Variants in WDR7 observed in about 807,000 individuals in gnomAD.
WDR7 encodes WD repeat domain 7, also known as WD repeat-containing protein 7.
In WDR7, 46 loss-of-function variants were observed where a neutral mutation model predicts 169.4. The observed-to-expected ratio is 0.27, with a 90% confidence interval of 0.21 to 0.35. The LOEUF (loss-of-function observed/expected upper bound fraction) is 0.35, where lower values mean the gene tolerates loss of function less well. Among genes scored for constraint, WDR7 ranks in the 10% least tolerant of loss-of-function variants. The probability of loss-of-function intolerance (pLI) is 1.00; values close to 1 mark genes in which losing one functional copy is unlikely to be tolerated. For missense variants in WDR7, 1,534 were observed against 1,859.3 expected, an observed-to-expected ratio of 0.83 and a Z score of 3.22; for synonymous variants, 612 against 666.8, an observed-to-expected ratio of 0.92 and a Z score of 1.27.
At position 57,000,301 on chromosome 18, in the gene WDR7, G is replaced by A. The variant is rs547933733; in HGVS notation, c.4165-20444G>A. ...GGCCAAGAAGAAGAGAAGGCTTAATGAATCGTATTCTTGCTGATTTCCACT... is the reference window on the plus strand; with the variant it reads ...GGCCAAGAAGAAGAGAAGGCTTAATAAATCGTATTCTTGCTGATTTCCACT... On this transcript the variant is annotated intron_variant, in intron 26 of 27. Coordinates refer to ENST00000254442, the MANE Select transcript of WDR7 (RefSeq NM_015285.3). Among the ~76,000 whole-genome samples the A allele has an allele frequency of 7.9e-5, 12 of 152,258 alleles. No homozygotes were observed. In the South Asian group the frequency reaches 2.3e-3, roughly 29 times the overall value.
At chr18:56,818,021 G>C (rs1000847950) in intron 20 of WDR7, among the ~76,000 whole-genome samples, 1 of 152,152 alleles carries the variant, frequency 6.6e-6, no homozygotes, top group Non-Finnish European at 1.5e-5. Context: ...GGGATTACAG[G>C]CATGAGCCAC....
intron 20 of WDR7, among the ~76,000 whole-genome samples, chr18:56,875,678 C>T (rs1264603474): frequency 1.3e-5 from 2 of 152,104 alleles, no homozygotes; most frequent in African/African-American, 2.4e-5. Flanking sequence ...ACTGTTTTTT[C>T]GATCCAGAAA....
At chr18:57,009,976 G>A (rs922798935) in intron 26 of WDR7, 19 of 985,224 alleles carry the variant, frequency 1.9e-5, no homozygotes, top group Admixed American at 6.2e-5. Context: ...CCATCATGAC[G>A]GACATTTACT....
At chr18:56,710,720 G>A (rs187441919) in intron 12 of WDR7, among the ~76,000 whole-genome samples, 8 of 152,158 alleles carry the variant, frequency 5.3e-5, no homozygotes, top group Admixed American at 3.9e-4. Flanking sequence ...TACTCTCAGC[G>A]CCCACTTCAT....
rs1298724075 is a variant in WDR7 at position 56,795,745 on chromosome 18, T to C, written c.3190+14089T>C. Among the ~76,000 whole-genome samples, 2 of 152,204 alleles carry C rather than the reference T, an allele frequency of 1.3e-5. 1 individual carries two copies. The highest frequency in any genetic ancestry group is 3.9e-4 in the East Asian group (2 of 5,192). On this transcript the variant is annotated intron_variant, in intron 19 of 27. Coordinates refer to ENST00000254442, the MANE Select transcript of WDR7 (RefSeq NM_015285.3). ...CCCAATGCCTAGCTTTATTTGTATT[T>C]GTTTGATTTTATTTGTTTGTTTGCT... is the stretch of plus-strand genomic sequence containing the variant.
chr18:56,870,516 T>C (rs1300580452), intron 20 of WDR7, among the ~76,000 whole-genome samples: 2 of 152,208 alleles, frequency 1.3e-5, no homozygotes, highest in Non-Finnish European at 2.9e-5. Context: ...TACTTATGTG[T>C]AGATGTATAA....
chr18:56,688,332 A>G (rs541339821), intron 7 of WDR7, among the ~76,000 whole-genome samples: 60 of 152,240 alleles, frequency 3.9e-4, no homozygotes, highest in African/African-American at 1.4e-3. Flanking sequence ...ACTATATTAG[A>G]ATAAAATTAG....
At chr18:57,002,841 A>G (rs2048003481) in intron 26 of WDR7, among the ~76,000 whole-genome samples, 1 of 152,136 alleles carries the variant, frequency 6.6e-6, no homozygotes, top group Non-Finnish European at 1.5e-5. Flanking sequence ...AGAGGCATAT[A>G]TTGACTGGCA....
At chr18:56,732,342 C>T (rs1447128661) in intron 14 of WDR7, among the ~76,000 whole-genome samples, 1 of 152,208 alleles carries the variant, frequency 6.6e-6, no homozygotes, top group African/African-American at 2.4e-5. Context: ...TATTTCATCT[C>T]AATCACTACT....
At chr18:56,884,686 A>G (rs1318031395) in intron 21 of WDR7, among the ~76,000 whole-genome samples, 1 of 152,084 alleles carries the variant, frequency 6.6e-6, no homozygotes, top group Non-Finnish European at 1.5e-5. Flanking sequence ...CCCTGCCCCA[A>G]CCTGATGGTC....
intron 25 of WDR7, among the ~76,000 whole-genome samples, chr18:56,947,139 T>C (rs1385942612): frequency 6.6e-6 from 1 of 152,188 alleles, no homozygotes; most frequent in East Asian, 1.9e-4. Flanking sequence ...TTTATCACTG[T>C]AACAAATATG....
intron 20 of WDR7, among the ~76,000 whole-genome samples, chr18:56,854,148 A>T (rs997734298): frequency 1.3e-5 from 2 of 152,206 alleles, no homozygotes; most frequent in African/African-American, 4.8e-5. Context: ...TCCAGCAAGC[A>T]AACAATCAGT....
intron 21 of WDR7, among the ~76,000 whole-genome samples, chr18:56,893,567 C>A (rs918643122): frequency 6.6e-6 from 1 of 151,960 alleles, no homozygotes; most frequent in Admixed American, 6.6e-5. Context: ...TATTTTGTTT[C>A]TTTGCCCTTT....
At chr18:57,006,658 T>G (rs1411998134) in intron 26 of WDR7, among the ~76,000 whole-genome samples, 1 of 152,164 alleles carries the variant, frequency 6.6e-6, no homozygotes, top group Non-Finnish European at 1.5e-5. Flanking sequence ...TAAATTACCT[T>G]TGGCCAAACT....
chr18:56,696,457 T>C lies in WDR7; in HGVS notation c.1573T>C (p.Cys525Arg). 1 of 1,610,822 alleles carries C rather than the reference T, an allele frequency of 6.2e-7. No homozygotes were observed. The highest frequency in any genetic ancestry group is 1.1e-5 in the South Asian group (1 of 90,572). Residue 525 changes from cysteine to arginine, a missense_variant, in exon 12 of 28, where the codon TGT becomes CGT. Cys to Arg is a radical substitution (Grantham distance 180). Transcript: ENST00000254442. ...TCAACTTCTAGTTCCACCTGAAAAC[T>C]GTAGTGTAAGTTGATTTATATAAAA... ...ITQLLVPPEN[C>R]SARVQHCICS...
At chr18:56,741,270 C>A (rs913346148) in intron 14 of WDR7, among the ~76,000 whole-genome samples, 2 of 152,148 alleles carry the variant, frequency 1.3e-5, no homozygotes, top group Non-Finnish European at 2.9e-5. Context: ...TAACTGTCAT[C>A]ACTGTTTGTC....
intron 1 of WDR7, among the ~76,000 whole-genome samples, chr18:56,662,741 T>C (rs1306418818): frequency 6.6e-6 from 1 of 151,960 alleles, no homozygotes; most frequent in Non-Finnish European, 1.5e-5. Flanking sequence ...AATGATGTCA[T>C]AAAAAACAAT....
chr18:56,696,042 G>A (rs2025696004), intron 11 of WDR7, among the ~76,000 whole-genome samples, 200 bp from the exon 12 acceptor site: 1 of 152,090 alleles, frequency 6.6e-6, no homozygotes. Flanking sequence ...TAGGAATCTG[G>A]ATTACCCCCA....
At chr18:56,776,694 T>G (rs2044247374) in intron 16 of WDR7, 88 bp from the exon 17 acceptor site, 6 of 1,157,750 alleles carry the variant, frequency 5.2e-6, no homozygotes, top group Non-Finnish European at 7.8e-6. Flanking sequence ...CTACTTTGTT[T>G]TTCATTCTTC....
Sources: gnomAD v4.1 joint callset for allele counts (sites outside exome capture counted in the v4.1 genomes callset) on GRCh38, gnomAD v4.1.1 for gene constraint, MANE v1.5 for transcripts, NCBI Gene and HGNC (gene_info 2026-07-23, HGNC 2026-07-21) for gene names.